The following CNTN5 variants were observed in gnomAD, a reference collection of about 807,000 sequenced individuals.
The protein encoded by CNTN5 is contactin-5.
In CNTN5, 77 loss-of-function variants were observed where a neutral mutation model predicts 129.1. The observed-to-expected ratio is 0.60, with a 90% CI of 0.50 to 0.72. The LOEUF (loss-of-function observed/expected upper bound fraction) is 0.72. CNTN5 is among the 30% of genes least tolerant of loss of function. The pLI is 0.00. For missense variants in CNTN5, 1,478 were observed against 1,328.8 expected (o/e 1.11, Z -1.75); for synonymous variants, 509 against 465.6 (o/e 1.09, Z -1.20).
At chr11:100,271,954 A>C (rs1950415313) in intron 18 of CNTN5, among the ~76,000 whole-genome samples, 1 of 152,234 alleles carries the variant, frequency 6.6e-6, no homozygotes. Context: ...CTTTGGACAA[A>C]GTCTCATTGA....
chr11:100,111,163 A>C (rs970545592), intron 13 of CNTN5, among the ~76,000 whole-genome samples: 9 of 152,126 alleles, frequency 5.9e-5, no homozygotes, highest in African/African-American at 2.2e-4. Context: ...TGACACCCAA[A>C]ATCAGATACT....
At position 100,218,759 on chromosome 11, in the gene CNTN5, G is replaced by T. The variant is rs550883920; in HGVS notation, c.1885-5933G>T. ...GTGGATCACTGGGGAACTGCTTGAA[G>T]GTTCAGAGACTGCATTTTCCACCAT... On this transcript the variant is annotated intron_variant, in intron 15 of 24. Coordinates refer to ENST00000524871, the MANE Select transcript of CNTN5 (RefSeq NM_014361.4). 2.6e-5 allele frequency among the ~76,000 whole-genome samples: 4 copies of T among 152,288 alleles called. No homozygotes were observed. The South Asian group carries it at 8.3e-4, about 32-fold the overall frequency.
At chr11:99,271,005 A>G (rs1288014535) in intron 1 of CNTN5, among the ~76,000 whole-genome samples, 1 of 151,966 alleles carries the variant, frequency 6.6e-6, no homozygotes, top group Admixed American at 6.6e-5. Flanking sequence ...GTCTTCATAC[A>G]TTACACCTTC....
chr11:100,350,892 T>A (rs1952396553), intron 24 of CNTN5, 22 bp downstream of exon 24: 1 of 1,520,922 alleles, frequency 6.6e-7, no homozygotes. Context: ...CACAGTAGAT[T>A]TAATTTGCTG....
At chr11:100,056,221 G>A (rs185337262) in intron 9 of CNTN5, among the ~76,000 whole-genome samples, 10 of 151,588 alleles carry the variant, frequency 6.6e-5, no homozygotes, top group South Asian at 2.1e-4. Flanking sequence ...TGCTGTGAAC[G>A]TTCAATATGA....
chr11:100,299,500 A>G (rs914680147), intron 20 of CNTN5, 104 bp downstream of exon 20: 5 of 651,728 alleles, frequency 7.7e-6, no homozygotes, highest in Non-Finnish European at 1.2e-5. Context: ...AAGGCAAAAT[A>G]AACTCATTCA....
At chr11:99,483,865 T>A (rs1945702438) in intron 2 of CNTN5, among the ~76,000 whole-genome samples, 1 of 152,050 alleles carries the variant, frequency 6.6e-6, no homozygotes, top group South Asian at 2.1e-4. Flanking sequence ...GCAGAAGAAT[T>A]AAACTAGATC....
chr11:100,105,321 A>T (rs1233641195), intron 13 of CNTN5, among the ~76,000 whole-genome samples: 4 of 151,846 alleles, frequency 2.6e-5, no homozygotes, highest in Admixed American at 6.6e-5. Context: ...AGGTGTTTTT[A>T]AGAGATGCAT....
chr11:100,343,529 C>CG (rs1344451838), intron 23 of CNTN5, among the ~76,000 whole-genome samples: 1 of 152,030 alleles, frequency 6.6e-6, no homozygotes, highest in Non-Finnish European at 1.5e-5. Flanking sequence ...CCTCAGAACG[C>CG]GGGTTTTCAC....
At chr11:99,440,007 G>A (rs897852328) in intron 2 of CNTN5, among the ~76,000 whole-genome samples, 2 of 152,046 alleles carry the variant, frequency 1.3e-5, no homozygotes, top group Non-Finnish European at 2.9e-5. Flanking sequence ...AAATGTTAAA[G>A]CATTAAGATG....
chr11:99,304,733 A>T (rs554284474), intron 1 of CNTN5, among the ~76,000 whole-genome samples: 1 of 152,288 alleles, frequency 6.6e-6, no homozygotes, highest in East Asian at 1.9e-4. Flanking sequence ...AGTGAGATTA[A>T]ACAAATTGTT....
rs773142349 is a variant in CNTN5, at chr11:100,303,761, G to T, written c.2620+4365G>T. ...AATATTCCTAAGGTGTTATTCTCCAGATCCATCCTTAGCTGAAACTGAGCT... is the reference window on the plus strand; with the variant it reads ...AATATTCCTAAGGTGTTATTCTCCATATCCATCCTTAGCTGAAACTGAGCT... On this transcript the variant is annotated intron_variant, in intron 20 of 24. Transcript: ENST00000524871. Among the ~76,000 whole-genome samples the T allele has an allele frequency of 4.0e-5, 6 of 151,610 alleles. No homozygotes were observed. In the South Asian group the frequency reaches 1.2e-3, roughly 31 times the overall value.
Position 99,706,759 on chromosome 11 carries a change from T to C in CNTN5, c.56-112785T>C, listed in dbSNP as rs138746981. Among the ~76,000 whole-genome samples the C allele has an allele frequency of 4.5e-4, 68 of 151,526 alleles. 1 individual carries two copies. Among genetic ancestry groups the C allele is most frequent in the East Asian group, 4.3e-3 (22 of 5,128 alleles). On this transcript the variant is annotated intron_variant, in intron 3 of 24. Transcript: ENST00000524871. ...TTGCCTGTGGAAGACTTCTACACTC[T>C]ACTTAACTGACCTTTTTAATGACCA...
intron 1 of CNTN5, among the ~76,000 whole-genome samples, chr11:99,062,186 G>A (rs1377051348): frequency 2.6e-5 from 4 of 152,130 alleles, no homozygotes; most frequent in Non-Finnish European, 5.9e-5. Flanking sequence ...GATTCAGACT[G>A]TGCTGATGGC....
intron 15 of CNTN5, among the ~76,000 whole-genome samples, chr11:100,205,675 A>T (rs528315410): frequency 6.6e-6 from 1 of 152,194 alleles, no homozygotes; most frequent in South Asian, 2.1e-4. Context: ...AATCAATAAG[A>T]GCATACAACA....
At chr11:100,329,293 C>G (rs1951854154) in intron 21 of CNTN5, among the ~76,000 whole-genome samples, 1 of 152,184 alleles carries the variant, frequency 6.6e-6, no homozygotes, top group Non-Finnish European at 1.5e-5. Flanking sequence ...CAAAGAGAGG[C>G]TGAGCTCAGA....
intron 2 of CNTN5, among the ~76,000 whole-genome samples, chr11:99,403,645 C>G (rs1447772351): frequency 6.6e-6 from 1 of 152,060 alleles, no homozygotes; most frequent in Non-Finnish European, 1.5e-5. Context: ...TGTTTAATTT[C>G]CATATAGTCC....
At chr11:99,839,461 G>A (rs974636922) in intron 4 of CNTN5, among the ~76,000 whole-genome samples, 1 of 151,998 alleles carries the variant, frequency 6.6e-6, no homozygotes, top group African/African-American at 2.4e-5. Flanking sequence ...GAGGACCATT[G>A]AAGTTGAGGC....
At chr11:99,885,440 A>C (rs1002445656) in intron 6 of CNTN5, among the ~76,000 whole-genome samples, 5 of 152,218 alleles carry the variant, frequency 3.3e-5, no homozygotes, top group Non-Finnish European at 7.3e-5. Flanking sequence ...GAACAAAAAA[A>C]TAGCTGTCAA....
Sources: gnomAD v4.1 joint callset for allele counts (sites outside exome capture counted in the v4.1 genomes callset) on GRCh38, gnomAD v4.1.1 for gene constraint, MANE v1.5 for transcripts, NCBI Gene and HGNC (gene_info 2026-07-23, HGNC 2026-07-21) for gene names.